Variants in MBD5 observed in about 807,000 individuals in gnomAD.
MBD5 encodes the protein methyl-CpG binding domain protein 5, also known as methyl-CpG-binding domain protein 5.
MBD5 carries 13 observed loss-of-function variants against 117.3 expected under a neutral mutation model. That is an observed-to-expected ratio of 0.11 (90% CI 0.07 to 0.18). The LOEUF is 0.18. Among genes scored for constraint, MBD5 ranks in the 10% least tolerant of loss-of-function variants. The pLI is 1.00. For synonymous variants in MBD5, 727 were observed against 766.4 expected (o/e 0.95, Z 0.85); for missense variants, 1,879 against 2,093.8 (o/e 0.90, Z 2.00).
intron 1 of MBD5, among the ~76,000 whole-genome samples, chr2:148,092,574 G>A (rs1695970685): frequency 6.6e-6 from 1 of 152,110 alleles, no homozygotes. Flanking sequence ...TTCTAAGTGA[G>A]TAACATTGTG....
At chr2:148,238,579 T>C (rs1402481947) in intron 3 of MBD5, among the ~76,000 whole-genome samples, 1 of 152,226 alleles carries the variant, frequency 6.6e-6, no homozygotes, top group Non-Finnish European at 1.5e-5. Flanking sequence ...CTAGGTCTGC[T>C]ATAACAAATT....
chr2:148,269,257 TTTTC>T (rs1210189199), intron 3 of MBD5, among the ~76,000 whole-genome samples: 1 of 151,864 alleles, frequency 6.6e-6, no homozygotes, highest in Non-Finnish European at 1.5e-5. Context: ...TAGGTTCATA[TTTTC>T]TTTCTTTTCA....
chr2:148,379,600 ATGTGAG>A (rs929680313), intron 4 of MBD5, among the ~76,000 whole-genome samples: 21 of 152,246 alleles, frequency 1.4e-4, no homozygotes, highest in African/African-American at 5.1e-4. Context: ...AAATTGGCAA[ATGTGAG>A]TAAATCCAAT....
At chr2:148,036,634 C>T (rs1694202711) in intron 1 of MBD5, among the ~76,000 whole-genome samples, 1 of 151,978 alleles carries the variant, frequency 6.6e-6, no homozygotes, top group Non-Finnish European at 1.5e-5. Flanking sequence ...GTCAAAAACT[C>T]CTATTTCTCA....
intron 1 of MBD5, chr2:148,026,355 T>C (rs1354729221): frequency 1.3e-5 from 2 of 152,044 alleles, no homozygotes; most frequent in East Asian, 1.9e-4. Flanking sequence ...TTTCTGAAAG[T>C]TTACAAGTAC....
chr2:148,085,911 A>G (rs995574243), intron 1 of MBD5, among the ~76,000 whole-genome samples: 2 of 152,170 alleles, frequency 1.3e-5, no homozygotes, highest in Non-Finnish European at 2.9e-5. Flanking sequence ...TTATAAGAAA[A>G]TTTACGTAAA....
At chr2:148,271,283 G>C (rs1158484614) in intron 3 of MBD5, among the ~76,000 whole-genome samples, 1 of 152,080 alleles carries the variant, frequency 6.6e-6, no homozygotes, top group Non-Finnish European at 1.5e-5. Context: ...TTGTAGTACG[G>C]AATATAATCA....
At chr2:148,298,546 T>A (rs963361137) in intron 3 of MBD5, among the ~76,000 whole-genome samples, 1 of 152,244 alleles carries the variant, frequency 6.6e-6, no homozygotes, top group African/African-American at 2.4e-5. Flanking sequence ...ATTTTATTTT[T>A]ATAATTTTTT....
rs115919866 is a variant in MBD5 at position 148,446,749 on chromosome 2, A to G, written c.-556-11454A>G. On this transcript the variant is annotated intron_variant, in intron 4 of 13. Coordinates refer to ENST00000642680, the MANE Select transcript of MBD5 (RefSeq NM_001378120.1). ...ATGGTGGCCATGGAGGTAGAACAAA[A>G]TAAGTTAGAGTGTTTCAAGGATTAT... 7.4e-3 allele frequency among the ~76,000 whole-genome samples: 1,133 copies of G among 152,150 alleles called. 18 individuals carry two copies. Among genetic ancestry groups the G allele is most frequent in the African/African-American group, 0.026 (1,083 of 41,512 alleles).
chr2:148,186,041 A>G (rs575369271), intron 2 of MBD5, among the ~76,000 whole-genome samples: 8 of 152,338 alleles, frequency 5.3e-5, no homozygotes, highest in Admixed American at 5.2e-4. Context: ...TAGGACTGAG[A>G]AAAGGATGAC....
chr2:148,472,800 GCTAT>G (rs1457385770), intron 8 of MBD5, among the ~76,000 whole-genome samples: 1 of 152,116 alleles, frequency 6.6e-6, no homozygotes, highest in Non-Finnish European at 1.5e-5. Context: ...TGTTGCTATA[GCTAT>G]CTATCGTCAA....
chr2:148,154,529 G>A (rs75409082), intron 1 of MBD5, among the ~76,000 whole-genome samples: 1 of 152,156 alleles, frequency 6.6e-6, no homozygotes, highest in African/African-American at 2.4e-5. Flanking sequence ...CCCTCCCCCA[G>A]CCTGGCTGCC....
chr2:148,032,397 G>C (rs1480200585), intron 1 of MBD5, among the ~76,000 whole-genome samples: 2 of 152,046 alleles, frequency 1.3e-5, no homozygotes, highest in Non-Finnish European at 2.9e-5. Flanking sequence ...CGATCAAGAG[G>C]AATTTTTTTT....
chr2:148,172,340 C>T (rs146865821), intron 1 of MBD5, among the ~76,000 whole-genome samples: 1 of 152,348 alleles, frequency 6.6e-6, no homozygotes, highest in Non-Finnish European at 1.5e-5. Context: ...GCTCCCATTT[C>T]AGAGCAAGGT....
At chr2:148,460,932 CT>C (rs1176535771) in intron 5 of MBD5, among the ~76,000 whole-genome samples, 17 of 152,060 alleles carry the variant, frequency 1.1e-4, no homozygotes, top group African/African-American at 2.4e-5. Context: ...AGACATTATA[CT>C]TTTTTTCTTG....
rs574245569 is a variant in MBD5, at chr2:148,331,319, T to TG, written c.-679-10894dup. ...TTCAAGACTTACAACAGCAGTCCCC[T>TG]GCTCTAAGCTTCCTACCATCAGTTT... On this transcript the variant is annotated intron_variant, in intron 3 of 13. Coordinates refer to ENST00000642680, the MANE Select transcript of MBD5 (RefSeq NM_001378120.1). 3.4e-3 allele frequency among the ~76,000 whole-genome samples: 518 copies of TG among 152,246 alleles called. 2 individuals carry two copies. The highest frequency in any genetic ancestry group is 5.5e-3 in the Non-Finnish European group (375 of 67,990).
intron 1 of MBD5, among the ~76,000 whole-genome samples, chr2:148,103,228 T>C (rs576968354): frequency 6.6e-6 from 1 of 152,298 alleles, no homozygotes; most frequent in East Asian, 1.9e-4. Flanking sequence ...TACTGACTGA[T>C]CCTTCTGTTA....
chr2:148,476,795 G>A (rs955315020), intron 8 of MBD5, among the ~76,000 whole-genome samples: 1 of 152,108 alleles, frequency 6.6e-6, no homozygotes, highest in South Asian at 2.1e-4. Context: ...ACAAAGCTAA[G>A]CATATTCATA....
At chr2:148,063,362 A>G (rs571843036) in intron 1 of MBD5, among the ~76,000 whole-genome samples, 41 of 152,234 alleles carry the variant, frequency 2.7e-4, no homozygotes, top group African/African-American at 9.6e-4. Context: ...AATGGCAGGG[A>G]TAGAAGTTGG....
Sources: allele counts gnomAD v4.1 joint callset (sites outside exome capture counted in the v4.1 genomes callset), GRCh38; gene constraint gnomAD v4.1.1; transcripts MANE v1.5; gene names NCBI Gene and HGNC (gene_info 2026-07-23, HGNC 2026-07-21).